Variants in GANAB observed in about 807,000 individuals in gnomAD.
GANAB encodes the protein neutral alpha-glucosidase AB.
A neutral mutation model predicts 129.9 loss-of-function variants in GANAB; 35 were observed. The observed-to-expected ratio is 0.27, with a 90% CI of 0.21 to 0.36. The LOEUF (loss-of-function observed/expected upper bound fraction) is 0.36, where lower values mean the gene tolerates loss of function less well. Among genes scored for constraint, GANAB ranks in the 10% least tolerant of loss-of-function variants. The pLI, the probability that GANAB is intolerant of heterozygous loss-of-function variation, is 1.00. For missense variants in GANAB, 939 were observed against 1,221.0 expected (o/e 0.77, Z 3.44); for synonymous variants, 482 against 451.8 (o/e 1.07, Z -0.85).
intron 10 of GANAB, 27 bp downstream of exon 10, chr11:62,631,000 CAGA>C: frequency 6.3e-7 from 1 of 1,583,808 alleles, no homozygotes; most frequent in South Asian, 1.1e-5. Flanking sequence ...AAGAAAAGAG[CAGA>C]AGAATGAGGC....
intron 18 of GANAB, 68 bp downstream of exon 18, chr11:62,627,221 C>A (rs1298898655): frequency 2.2e-6 from 3 of 1,379,956 alleles, no homozygotes; most frequent in African/African-American, 1.4e-5. Flanking sequence ...TTCACTAGTC[C>A]CTCCCTGGGC....
intron 4 of GANAB, among the ~76,000 whole-genome samples, chr11:62,638,051 G>C (rs970590221): frequency 6.6e-6 from 1 of 152,068 alleles, no homozygotes; most frequent in South Asian, 2.1e-4. Context: ...ACAACTGTAA[G>C]AACAAAAAAA....
intron 8 of GANAB, 86 bp from the exon 9 acceptor site, chr11:62,632,831 A>G (rs1261745369): frequency 1.7e-5 from 19 of 1,147,648 alleles, no homozygotes; most frequent in Non-Finnish European, 2.1e-5. Flanking sequence ...CAGGTGAGAG[A>G]TAAGCAAAGG....
intron 1 of GANAB, among the ~76,000 whole-genome samples, chr11:62,646,340 A>G (rs1944481652): frequency 6.6e-6 from 1 of 152,220 alleles, no homozygotes; most frequent in African/African-American, 2.4e-5. Flanking sequence ...TGGCTTTACT[A>G]AACCGCCGGG....
intron 15 of GANAB, 140 bp downstream of exon 15, chr11:62,629,448 G>A (rs1302040259): frequency 1.3e-6 from 1 of 790,886 alleles, no homozygotes; most frequent in Non-Finnish European, 2.1e-6. Context: ...CCCACACCCT[G>A]ACTTCCTTCA....
At chr11:62,633,624 T>C (rs1331608598) in intron 5 of GANAB, 110 bp from the exon 6 acceptor site, 26 of 922,786 alleles carry the variant, frequency 2.8e-5, no homozygotes, top group South Asian at 6.7e-5. Flanking sequence ...AACGAAGGCA[T>C]TGGAGGAAGG....
chr11:62,634,581 C>G (rs1943849183), intron 5 of GANAB: 2 of 615,182 alleles, frequency 3.3e-6, no homozygotes, highest in African/African-American at 1.8e-5. Context: ...CAGACCCAGG[C>G]AGGCCTCCCA....
intron 4 of GANAB, among the ~76,000 whole-genome samples, chr11:62,638,387 C>T (rs974980039): frequency 3.3e-5 from 5 of 152,044 alleles, no homozygotes; most frequent in Non-Finnish European, 1.5e-5. Context: ...CTCCTGACCT[C>T]GTGATCTGCC....
intron 1 of GANAB, among the ~76,000 whole-genome samples, chr11:62,646,183 C>A (rs893914909): frequency 6.6e-6 from 1 of 152,072 alleles, no homozygotes; most frequent in Non-Finnish European, 1.5e-5. Context: ...GGGCCGCAGG[C>A]TGCATTCCCC....
At chr11:62,629,982 G>C in intron 13 of GANAB, 25 bp from the exon 14 acceptor site, 1 of 1,610,820 alleles carries the variant, frequency 6.2e-7, no homozygotes, top group Non-Finnish European at 8.5e-7. Context: ...AGAAAATGGG[G>C]ACAGAAGGAC....
intron 8 of GANAB, 90 bp from the exon 9 acceptor site, chr11:62,632,835 G>A: frequency 8.9e-7 from 1 of 1,128,282 alleles, no homozygotes; most frequent in Non-Finnish European, 1.3e-6. Flanking sequence ...TGAGAGATAA[G>A]CAAAGGCTCC....
Position 62,627,088 on chromosome 11 carries a change from C to T in GANAB, c.2282G>A (p.Gly761Glu). The T allele has an allele frequency of 6.2e-7, 1 of 1,613,924 alleles. No individual in the cohort carries two copies. Reference protein sequence around the residue: ...ALLVHPVSDSGAHGVQVYLPG... With the variant: ...ALLVHPVSDSEAHGVQVYLPG... ...CAGATAGACCTGGACACCATGGGCT[C>T]CAGAGTCTGATACAGGGTGAACCAG... The change falls in exon 19 of 24, where the codon GGA becomes GAA. Residue 761 changes from glycine to glutamate, a missense_variant. By Grantham distance (98) the Gly-to-Glu change is moderately conservative. Coordinates refer to ENST00000356638, the MANE Select transcript of GANAB (RefSeq NM_198334.3).
chr11:62,625,572 A>C lies in GANAB; in HGVS notation c.*243T>G, dbSNP rs980787363. The C allele has an allele frequency of 2.8e-5, 15 of 544,058 alleles. No individual in the cohort carries two copies. Among genetic ancestry groups the C allele is most frequent in the Non-Finnish European group, 3.3e-5 (10 of 301,140 alleles). The allele number at this position is 544,058 out of a possible 1,614,324, so 33.7% of individuals were successfully genotyped here. A position where few individuals can be genotyped will look rare whatever the true frequency, so the allele number is the denominator to read the frequency against. On this transcript the variant is annotated 3_prime_UTR_variant, in exon 24 of 24. Transcript: ENST00000356638. ...TAAGTGAATGTGCTCCAGTTAGAGC[A>C]ACAGGATGTTGGGGGAATGAAGGGA...
At chr11:62,626,472 G>A (rs1260302398) in intron 21 of GANAB, 25 bp from the exon 22 acceptor site, 2 of 1,558,352 alleles carry the variant, frequency 1.3e-6, no homozygotes. Context: ...GGATAGGTGA[G>A]CGCCTGAGCC....
At chr11:62,629,540 A>T (rs1943561373) in intron 15 of GANAB, 48 bp downstream of exon 15, 2 of 1,262,298 alleles carry the variant, frequency 1.6e-6, no homozygotes, top group Non-Finnish European at 2.2e-6. Flanking sequence ...GGCTCCTGAG[A>T]TCTGGCCTTC....
intron 1 of GANAB, among the ~76,000 whole-genome samples, chr11:62,644,295 C>T (rs1401024027): frequency 1.3e-5 from 2 of 151,988 alleles, no homozygotes; most frequent in African/African-American, 2.4e-5. Context: ...GGGCAGAATA[C>T]GAGCATACTC....
In GANAB at chr11:62,639,041, G is replaced by A; in HGVS notation, c.322C>T (p.Pro108Ser). Residue 108 changes from proline to serine, a missense_variant, in exon 4 of 24, where the codon CCT becomes TCT. Coordinates refer to ENST00000356638, the MANE Select transcript of GANAB (RefSeq NM_198334.3). ...MTRFRIDELE[P>S]RRPRYRVPDV... is the part of the protein sequence containing the mutation. ...GGTACACGGTATCGGGGTCGCCGAG[G>A]CTCCAGCTCATCAATCCTGAACCGA... The A allele has an allele frequency of 6.2e-7, 1 of 1,613,882 alleles. No individual in the cohort carries two copies. Among genetic ancestry groups the A allele is most frequent in the Non-Finnish European group, 8.5e-7 (1 of 1,179,882 alleles).
At chr11:62,636,469 C>T (rs960843314) in intron 4 of GANAB, among the ~76,000 whole-genome samples, 1 of 151,622 alleles carries the variant, frequency 6.6e-6, no homozygotes. Context: ...GTCTCATAAC[C>T]CGATCTCAAA....
At position 62,634,916 on chromosome 11, in the gene GANAB, T is replaced by C. The variant is rs1943874274; in HGVS notation, c.465A>G (p.Pro155=). Residue 155 remains proline (P), a synonymous_variant, in exon 5 of 24, where the codon CCA becomes CCG. Transcript: ENST00000356638. ...GGTCCTCTAGTAGGTCAAGGCGGAA[T>C]GGCCGTGCTGTCAAGATGATCTTGT... ...GPYKIILTAR[P]FRLDLLEDRS... 6.2e-7 allele frequency: 1 copy of C among 1,613,694 alleles called. No homozygotes were observed. The highest frequency in any genetic ancestry group is 1.3e-5 in the African/African-American group (1 of 74,926).
Sources: gnomAD v4.1 joint callset for allele counts (sites outside exome capture counted in the v4.1 genomes callset) on GRCh38, gnomAD v4.1.1 for gene constraint, MANE v1.5 for transcripts, NCBI Gene and HGNC (gene_info 2026-07-23, HGNC 2026-07-21) for gene names.